The following RNF31 variants were observed in gnomAD, a reference collection of about 807,000 sequenced individuals.
The protein encoded by RNF31 is ring finger protein 31, also known as E3 ubiquitin-protein ligase RNF31.
In RNF31, 38 loss-of-function variants were observed where a neutral mutation model predicts 133.6. The observed-to-expected ratio is 0.28, with a 90% CI of 0.22 to 0.37. The LOEUF is 0.37. Ranked by LOEUF, RNF31 falls within the 10% of genes least tolerant of loss-of-function variation. The pLI is 1.00. For missense variants in RNF31, 1,118 were observed against 1,394.1 expected (o/e 0.80, Z 3.15); for synonymous variants, 582 against 552.3 (o/e 1.05, Z -0.75).
At chr14:24,159,821 C>A in intron 18 of RNF31, 43 bp from the exon 19 acceptor site, 1 of 1,509,994 alleles carries the variant, frequency 6.6e-7, no homozygotes, top group South Asian at 1.1e-5. Context: ...GCTTTGTGGT[C>A]ATTGGCCTCC....
chr14:24,148,503 T>C, intron 3 of RNF31, 90 bp downstream of exon 3: 2 of 1,605,160 alleles, frequency 1.2e-6, no homozygotes, highest in Non-Finnish European at 1.7e-6. Context: ...CCCGTGCTGC[T>C]GAACTATGGG....
rs756392604 is a variant in RNF31, at chr14:24,150,616, G to C, written c.1216G>C (p.Ala406Pro). Residue 406 changes from alanine to proline, a missense_variant, in exon 8 of 21, where the codon GCC (alanine) becomes CCC (proline). By Grantham distance (27) the Ala-to-Pro change is conservative. This residue lies in a region of RNF31 where 747 missense variants were observed against 827.9 expected (regional missense o/e 0.90). Coordinates refer to ENST00000324103, the MANE Select transcript of RNF31 (RefSeq NM_017999.5). ...QPLQQGDALL[A>P]SAQSQVWYCI... ...TTCCCAGCAGGGGGATGCTTTGCTGGCCTCTGCCCAGAGTCAAGTCTGGTA... is the reference window on the plus strand; with the variant it reads ...TTCCCAGCAGGGGGATGCTTTGCTGCCCTCTGCCCAGAGTCAAGTCTGGTA... 1.2e-6 allele frequency: 2 copies of C among 1,610,204 alleles called. No homozygotes were observed. The highest frequency in any genetic ancestry group is 1.7e-6 in the Non-Finnish European group (2 of 1,176,786).
Position 24,151,763 on chromosome 14 carries a change from C to T in RNF31, c.1924-23C>T, listed in dbSNP as rs191481441. ...CCCTGGAGTCTGACAGCACTTCCCC[C>T]CTCCACCTGAATCATATTGCAGAGC... On this transcript the variant is annotated intron_variant, in intron 10 of 20. Transcript: ENST00000324103. The surrounding 1 kb of genome is among the most constrained non-coding windows in gnomAD (Gnocchi z 5.3). The T allele has an allele frequency of 8.7e-6, 14 of 1,601,420 alleles. No homozygotes were observed. Among genetic ancestry groups the T allele is most frequent in the African/African-American group, 2.7e-5 (2 of 74,796 alleles).
intron 3 of RNF31, 77 bp from the exon 4 acceptor site, chr14:24,148,565 T>C: frequency 6.3e-7 from 1 of 1,587,160 alleles, no homozygotes; most frequent in South Asian, 1.1e-5. Context: ...TCTGTGAATG[T>C]TAAGGGACCA....
At position 24,157,281 on chromosome 14, in the gene RNF31, C is replaced by G. The variant is rs535969010; in HGVS notation, c.2494-9C>G. On this transcript the variant is annotated splice_polypyrimidine_tract_variant and intron_variant, in intron 14 of 20. Transcript: ENST00000324103. ...AGCTCCCATGTGAAGCCTACTTTCC[C>G]TCTGGCAGTGGGAGGAGCAGCACCG... is the stretch of plus-strand genomic sequence containing the variant. The G allele has an allele frequency of 5.6e-6, 9 of 1,593,244 alleles. No homozygotes were observed. The African/African-American group carries it at 1.2e-4, about 21-fold the overall frequency.
At position 24,158,027 on chromosome 14, in the gene RNF31, G is replaced by A; in HGVS notation, c.2841+16G>A. The A allele has an allele frequency of 6.2e-7, 1 of 1,613,418 alleles. No individual in the cohort carries two copies. Among genetic ancestry groups the A allele is most frequent in the Non-Finnish European group, 8.5e-7 (1 of 1,179,456 alleles). On this transcript the variant is annotated intron_variant, in intron 17 of 20. Coordinates refer to ENST00000324103, the MANE Select transcript of RNF31 (RefSeq NM_017999.5). Reference sequence around the variant, plus strand: ...GCTGCTACAGGTCAGAGGTGGCCAGGAGAGAAGAAGACAGGGCCCAGGGTG... The same window carrying A: ...GCTGCTACAGGTCAGAGGTGGCCAGAAGAGAAGAAGACAGGGCCCAGGGTG...
Position 24,147,746 on chromosome 14 carries a change from G to C in RNF31, c.48G>C (p.Glu16Asp). ...GGGCCTTCCTGGTGGCCCGCGAGGA[G>C]CTGGCGAGCGCCCTGAGGAGGGATT... Reference protein sequence around the residue: ...EERAFLVAREELASALRRDSG... With the variant: ...EERAFLVAREDLASALRRDSG... The change falls in exon 1 of 21, where the codon GAG becomes GAC. Residue 16 changes from glutamate (E) to aspartate (D), a missense_variant. This residue lies in a region of RNF31 where 747 missense variants were observed against 827.9 expected (regional missense o/e 0.90). Coordinates refer to ENST00000324103, the MANE Select transcript of RNF31 (RefSeq NM_017999.5). 6.4e-7 allele frequency: 1 copy of C among 1,562,384 alleles called. No individual in the cohort carries two copies. The highest frequency in any genetic ancestry group is 8.6e-7 in the Non-Finnish European group (1 of 1,158,406).
intron 11 of RNF31, among the ~76,000 whole-genome samples, chr14:24,154,202 G>T (rs2038309470): frequency 6.6e-6 from 1 of 151,926 alleles, no homozygotes; most frequent in African/African-American, 2.4e-5. Context: ...TTGTTGCCCA[G>T]CCTGGAGTGC....
intron 2 of RNF31, 64 bp downstream of exon 2, chr14:24,148,186 C>G: frequency 6.2e-7 from 1 of 1,612,950 alleles, no homozygotes; most frequent in South Asian, 1.1e-5. Context: ...TGAGGTTGTG[C>G]TGAATGGGAA....
Position 24,149,429 on chromosome 14 carries a change from C to T in RNF31, c.655C>T (p.Leu219Phe), listed in dbSNP as rs762222518. 5 of 1,614,144 alleles carry T rather than the reference C, an allele frequency of 3.1e-6. No homozygotes were observed. The highest frequency in any genetic ancestry group is 4.2e-6 in the Non-Finnish European group (5 of 1,179,994). ...AGGCTCCACTCCTGGTCCCTGCTTC[C>T]TCTGTGGTTCTGCCCCAGGCACACT... Reference protein sequence around the residue: ...VPGSTPGPCFLCGSAPGTLHC... With the variant: ...VPGSTPGPCFFCGSAPGTLHC... The change falls in exon 6 of 21, where the codon CTC (leucine) becomes TTC (phenylalanine). Residue 219 changes from leucine to phenylalanine, a missense_variant. Around this residue, in one of 3 missense-constraint regions of RNF31, gnomAD observed 747 missense variants for 827.9 expected, o/e 0.90. Coordinates refer to ENST00000324103, the MANE Select transcript of RNF31 (RefSeq NM_017999.5).
intron 6 of RNF31, 43 bp from the exon 7 acceptor site, chr14:24,150,014 GGCAC>G: frequency 6.6e-7 from 1 of 1,516,038 alleles, no homozygotes; most frequent in South Asian, 1.3e-5. Context: ...GAGGGATCCA[GGCAC>G]CAGGTGCCAC....
intron 18 of RNF31, 55 bp downstream of exon 18, chr14:24,158,254 G>A (rs1220039305): frequency 2.0e-5 from 31 of 1,535,274 alleles, no homozygotes; most frequent in Admixed American, 8.4e-5. Context: ...GGCTCCCACC[G>A]TGTGATGGGT....
In RNF31 at chr14:24,157,990, C is replaced by T. The variant is rs753521587; in HGVS notation, c.2820C>T (p.Leu940=). 6.2e-7 allele frequency: 1 copy of T among 1,614,116 alleles called. No homozygotes were observed. The highest frequency in any genetic ancestry group is 1.7e-5 in the Admixed American group (1 of 60,018). The change falls in exon 17 of 21, where the codon CTC becomes CTT. Residue 940 remains leucine, a synonymous_variant. Transcript: ENST00000324103. Reference sequence around the variant, plus strand: ...TCTACCTGCGGGACTGGACTGCTCTCCGGCTTCAGAAGCTGCTACAGGTCA... The same window carrying T: ...TCTACCTGCGGGACTGGACTGCTCTTCGGCTTCAGAAGCTGCTACAGGTCA... The part of the protein sequence containing the change: ...CLFYLRDWTA[L]RLQKLLQDNN...
intron 18 of RNF31, chr14:24,158,871 A>G (rs1275026940): frequency 6.6e-6 from 1 of 151,014 alleles, no homozygotes; most frequent in African/African-American, 2.5e-5. Context: ...ATCTCTACTA[A>G]AAATACAAAA....
At chr14:24,154,723 C>T (rs955804547) in intron 11 of RNF31, among the ~76,000 whole-genome samples, 26 of 152,142 alleles carry the variant, frequency 1.7e-4, no homozygotes, top group African/African-American at 6.0e-4. Flanking sequence ...GCAGTTCTGT[C>T]CCACGTATGG....
At chr14:24,147,339 G>A, upstream of RNF31, 1 of 216,780 alleles carries the variant, frequency 4.6e-6, no homozygotes, top group Non-Finnish European at 9.0e-6. Flanking sequence ...GAAGATGCTG[G>A]CGCGCTCTGA....
At position 24,160,466 on chromosome 14, in the gene RNF31, A is replaced by C. The variant is rs1465685956; in HGVS notation, c.3166-54A>C. ...ACCCTACAGAAGTCACCTGGTGCTG[A>C]CTGTGTCTGAGCTCCAGGCTTCCAA... On this transcript the variant is annotated intron_variant, in intron 20 of 20. Transcript: ENST00000324103. This position sits in a 1 kb window ranked among gnomAD's most constrained non-coding sequence, Gnocchi z 4.0. The C allele has an allele frequency of 1.3e-6, 2 of 1,583,202 alleles. No homozygotes were observed. Among genetic ancestry groups the C allele is most frequent in the Non-Finnish European group, 1.7e-6 (2 of 1,160,344 alleles).
chr14:24,151,080 GCT>G lies in RNF31; in HGVS notation c.1489-50_1489-49del. The stretch of plus-strand genomic sequence containing the variant: ...AGCCACTGTCACCATCTTAGTTCAG[GCT>G]GAGGGTGGGTGAAGGGTGCCCCTCC... On this transcript the variant is annotated intron_variant, in intron 8 of 20. Transcript: ENST00000324103. This position sits in a 1 kb window ranked among gnomAD's most constrained non-coding sequence, Gnocchi z 5.3. 6.2e-7 allele frequency: 1 copy of G among 1,604,782 alleles called. No individual in the cohort carries two copies. Among genetic ancestry groups the G allele is most frequent in the Non-Finnish European group, 8.5e-7 (1 of 1,174,440 alleles).
intron 5 of RNF31, chr14:24,149,083 C>T: frequency 3.2e-6 from 2 of 615,584 alleles, no homozygotes; most frequent in Non-Finnish European, 5.7e-6. Context: ...CCTGCCTCAG[C>T]CTCCCGAGTA....
Sources: allele counts gnomAD v4.1 joint callset (sites outside exome capture counted in the v4.1 genomes callset), GRCh38; gene constraint gnomAD v4.1.1; regional missense constraint gnomAD v4.1.1; non-coding constraint Gnocchi (gnomAD v3.1); transcripts MANE v1.5; gene names NCBI Gene and HGNC (gene_info 2026-07-23, HGNC 2026-07-21).